TPST2: variants seen among roughly 807,000 people sequenced by gnomAD.
TPST2 encodes the protein tyrosylprotein sulfotransferase 2, also known as protein-tyrosine sulfotransferase 2.
A neutral mutation model predicts 27.8 loss-of-function variants in TPST2; 16 were observed. The ratio of observed to expected loss-of-function variants is 0.58; its 90% CI spans 0.39 to 0.88. The LOEUF is 0.88. Ranked by LOEUF, TPST2 falls within the 40% of genes least tolerant of loss-of-function variation. The probability of loss-of-function intolerance (pLI) is 0.00; values close to 1 mark genes in which losing one functional copy is unlikely to be tolerated. For missense variants in TPST2, 464 were observed against 543.1 expected, an observed-to-expected ratio of 0.85 and a Z score of 1.45; for synonymous variants, 229 against 231.7, an observed-to-expected ratio of 0.99 and a Z score of 0.10.
At chr22:26,531,487 C>A (rs1424140883) in intron 5 of TPST2, among the ~76,000 whole-genome samples, 1 of 152,208 alleles carries the variant, frequency 6.6e-6, no homozygotes, top group Non-Finnish European at 1.5e-5. Flanking sequence ...AAAGTGCATA[C>A]GCACTCCAGA....
chr22:26,536,399 C>T lies in TPST2; in HGVS notation c.930G>A (p.Val310=). ...KWTGHIPGDV[V]RDMAQIAPML... is the part of the protein sequence containing the mutation. ...TGGGGGCGATCTGGGCCATGTCCCG[C>T]ACCACATCCCCAGGGATGTGGCCAG... Residue 310 remains valine, a synonymous_variant, in exon 4 of 7, where the codon GTG becomes GTA. Coordinates refer to ENST00000338754, the MANE Select transcript of TPST2 (RefSeq NM_003595.5). The T allele has an allele frequency of 6.3e-7, 1 of 1,598,062 alleles. No homozygotes were observed. Among genetic ancestry groups the T allele is most frequent in the Non-Finnish European group, 8.5e-7 (1 of 1,169,722 alleles).
intron 1 of TPST2, among the ~76,000 whole-genome samples, chr22:26,587,311 T>C (rs866377106): frequency 6.6e-6 from 1 of 152,170 alleles, no homozygotes; most frequent in Non-Finnish European, 1.5e-5. Flanking sequence ...GGGTGGGCTC[T>C]GTAAGCCACT....
At chr22:26,583,436 CAAAAAAA>C (rs775047318) in intron 1 of TPST2, among the ~76,000 whole-genome samples, 169 of 63,646 alleles carry the variant, frequency 2.7e-3, no homozygotes, top group Non-Finnish European at 3.4e-3. Flanking sequence ...AACTCCATCT[CAAAAAAA>C]AAAAAAAAAA....
At chr22:26,532,624 T>C in intron 5 of TPST2, 71 bp downstream of exon 5, 1 of 1,507,232 alleles carries the variant, frequency 6.6e-7, no homozygotes, top group South Asian at 1.1e-5. Flanking sequence ...GTGACACATC[T>C]AAGGGCATAC....
At chr22:26,544,577 G>A in intron 2 of TPST2, 27 bp downstream of exon 2, 2 of 985,056 alleles carry the variant, frequency 2.0e-6, no homozygotes, top group South Asian at 4.7e-5. Flanking sequence ...CAGGACTCCA[G>A]GGGAAGTTCC....
intron 1 of TPST2, among the ~76,000 whole-genome samples, chr22:26,554,755 T>C (rs1250607471): frequency 2.6e-5 from 4 of 152,116 alleles, no homozygotes; most frequent in Admixed American, 2.0e-4. Context: ...ATGGCCAACA[T>C]GGTGAAACCC....
intron 1 of TPST2, among the ~76,000 whole-genome samples, chr22:26,575,220 G>T (rs1413583116): frequency 6.6e-6 from 1 of 152,150 alleles, no homozygotes; most frequent in African/African-American, 2.4e-5. Flanking sequence ...CACCTAGGAA[G>T]TCCTTAGCAG....
At chr22:26,532,603 A>G in intron 5 of TPST2, 92 bp downstream of exon 5, 1 of 1,333,448 alleles carries the variant, frequency 7.5e-7, no homozygotes, top group South Asian at 1.3e-5. Flanking sequence ...ACCATCAACC[A>G]GAGTGGAGAA....
chr22:26,529,716 A>T (rs1925044951), intron 5 of TPST2, among the ~76,000 whole-genome samples: 1 of 152,022 alleles, frequency 6.6e-6, no homozygotes, highest in Non-Finnish European at 1.5e-5. Flanking sequence ...ATTTGACTGT[A>T]CCTGAGTTGT....
In TPST2 at chr22:26,523,437, T is replaced by C. The variant is rs1057113195; in HGVS notation, c.*2838A>G. On this transcript the variant is annotated 3_prime_UTR_variant, in exon 7 of 7. Coordinates refer to ENST00000338754, the MANE Select transcript of TPST2 (RefSeq NM_003595.5). ...TGATTGTCCCATGTTTTATAATATA[T>C]TCATGTAGTACTCTAAACAAAATCT... is the stretch of plus-strand genomic sequence containing the variant. 5 of 152,176 alleles carry C rather than the reference T, an allele frequency of 3.3e-5. No individual in the cohort carries two copies. Among genetic ancestry groups the C allele is most frequent in the Non-Finnish European group, 5.9e-5 (4 of 68,038 alleles). The allele number at this position is 152,176 out of a possible 1,614,324, so 9.4% of individuals were successfully genotyped here.
intron 1 of TPST2, among the ~76,000 whole-genome samples, chr22:26,589,498 A>G (rs868224857): frequency 1.7e-4 from 26 of 149,242 alleles, no homozygotes; most frequent in African/African-American, 5.0e-4. Context: ...ATTCCTCTCC[A>G]CTCCTCACCA....
rs150946083 is a variant in TPST2 at position 26,531,064 on chromosome 22, C to T, written c.1092+1631G>A. On this transcript the variant is annotated intron_variant, in intron 5 of 6. Transcript: ENST00000338754. ...GGTTGGGCCAGTTTATACTTCCTGC[C>T]GTGTATGACATATGCAAGATGTCTA... Among the ~76,000 whole-genome samples, 200 of 152,202 alleles carry T rather than the reference C, an allele frequency of 1.3e-3. 1 individual carries two copies. Among genetic ancestry groups the T allele is most frequent in the African/African-American group, 4.2e-3 (176 of 41,530 alleles).
intron 5 of TPST2, among the ~76,000 whole-genome samples, chr22:26,531,100 G>T (rs1443317210): frequency 6.6e-6 from 1 of 152,200 alleles, no homozygotes; most frequent in Non-Finnish European, 1.5e-5. Context: ...GCTGACCTGG[G>T]ACTGGTTTTT....
chr22:26,583,409 C>T (rs1267471058), intron 1 of TPST2, among the ~76,000 whole-genome samples: 2 of 139,004 alleles, frequency 1.4e-5, no homozygotes, highest in Admixed American at 8.3e-5. Flanking sequence ...TGCACTCCAG[C>T]CTGGGCGACA....
rs767388208 is a variant in TPST2, at chr22:26,536,288, C to T, written c.1041G>A (p.Arg347=). ...PDPFVINNTQ[R]VLKGDYKTPA... ...TCCACAAGTACAGGTGCACACTCACCCGCTGTGTGTTGTTGATGACGAAGG... is the reference window on the plus strand; with the variant it reads ...TCCACAAGTACAGGTGCACACTCACTCGCTGTGTGTTGTTGATGACGAAGG... Residue 347 remains arginine (R), a splice_region_variant and synonymous_variant, in exon 4 of 7, where the codon CGG becomes CGA. Coordinates refer to ENST00000338754, the MANE Select transcript of TPST2 (RefSeq NM_003595.5). 1 of 1,614,128 alleles carries T rather than the reference C, an allele frequency of 6.2e-7. No individual in the cohort carries two copies. The highest frequency in any genetic ancestry group is 1.7e-5 in the Admixed American group (1 of 60,020).
intron 5 of TPST2, among the ~76,000 whole-genome samples, chr22:26,532,439 C>A (rs2147176298): frequency 6.6e-6 from 1 of 152,284 alleles, no homozygotes; most frequent in African/African-American, 2.4e-5. Flanking sequence ...TGCCACTACG[C>A]CCGGATAATT....
chr22:26,583,489 T>G (rs554381717), intron 1 of TPST2, among the ~76,000 whole-genome samples: 1 of 135,320 alleles, frequency 7.4e-6, no homozygotes, highest in South Asian at 2.4e-4. Context: ...AGACAGGGTA[T>G]CAGGAGGCCT....
intron 1 of TPST2, among the ~76,000 whole-genome samples, chr22:26,581,493 T>G (rs2145938291): frequency 6.6e-6 from 1 of 152,306 alleles, no homozygotes; most frequent in African/African-American, 2.4e-5. Context: ...AAATCTAAAC[T>G]AAACCCTCTC....
intron 2 of TPST2, among the ~76,000 whole-genome samples, chr22:26,544,072 T>C (rs1925997068): frequency 6.6e-6 from 1 of 152,162 alleles, no homozygotes; most frequent in African/African-American, 2.4e-5. Flanking sequence ...AGTACTACAC[T>C]CCAAGGTTCA....
Sources: allele counts gnomAD v4.1 joint callset (sites outside exome capture counted in the v4.1 genomes callset), GRCh38; gene constraint gnomAD v4.1.1; transcripts MANE v1.5; gene names NCBI Gene and HGNC (gene_info 2026-07-23, HGNC 2026-07-21).